Variants in ADGRV1 observed in about 807,000 individuals in gnomAD.
ADGRV1 encodes adhesion G protein-coupled receptor V1.
Under a neutral mutation model 596.2 loss-of-function variants are expected in ADGRV1, and 359 were observed. The ratio of observed to expected loss-of-function variants is 0.60; its 90% confidence interval spans 0.55 to 0.66. The LOEUF (loss-of-function observed/expected upper bound fraction) is 0.66. Among genes scored for constraint, ADGRV1 ranks in the 30% least tolerant of loss-of-function variants. The pLI is 0.00. For missense variants in ADGRV1, 7,274 were observed against 7,575.6 expected, an observed-to-expected ratio of 0.96 and a Z score of 1.48; for synonymous variants, 2,681 against 2,679.2, an observed-to-expected ratio of 1.00 and a Z score of -0.02.
At chr5:90,686,320 C>G (rs1371047837) in intron 29 of ADGRV1, among the ~76,000 whole-genome samples, 1 of 152,008 alleles carries the variant, frequency 6.6e-6, no homozygotes, top group Non-Finnish European at 1.5e-5. Flanking sequence ...CCCATTAACT[C>G]ATCATTTGGC....
intron 50 of ADGRV1, among the ~76,000 whole-genome samples, chr5:90,740,092 A>G (rs1753770658): frequency 6.6e-6 from 1 of 152,180 alleles, no homozygotes; most frequent in African/African-American, 2.4e-5. Context: ...GAAGTTAAGG[A>G]AAGTACTGGG....
At chr5:90,596,863 G>C (rs1200271442) in intron 1 of ADGRV1, among the ~76,000 whole-genome samples, 1 of 152,152 alleles carries the variant, frequency 6.6e-6, no homozygotes, top group Non-Finnish European at 1.5e-5. Flanking sequence ...GGGAGAGGGA[G>C]AGTGAGAGCT....
chr5:90,795,152 G>A (rs965428457), intron 70 of ADGRV1, among the ~76,000 whole-genome samples: 5 of 134,808 alleles, frequency 3.7e-5, no homozygotes, highest in Admixed American at 8.4e-5. Context: ...AGACAGAACC[G>A]TTCACTCCCC....
At chr5:90,840,530 G>A (rs1285121432) in intron 77 of ADGRV1, 48 bp from the exon 78 acceptor site, 2 of 1,468,878 alleles carry the variant, frequency 1.4e-6, no homozygotes, top group Non-Finnish European at 1.8e-6. Flanking sequence ...TTTAGGACAA[G>A]ATCAGAGGTG....
intron 86 of ADGRV1, among the ~76,000 whole-genome samples, chr5:91,082,944 C>G (rs1295411904): frequency 6.6e-6 from 1 of 152,136 alleles, no homozygotes; most frequent in East Asian, 1.9e-4. Context: ...GTCTACAATC[C>G]TTTGTATGAT....
chr5:90,878,507 T>G (rs992220436), intron 83 of ADGRV1, among the ~76,000 whole-genome samples: 1 of 152,200 alleles, frequency 6.6e-6, no homozygotes, highest in Non-Finnish European at 1.5e-5. Flanking sequence ...ATGTTTGTGA[T>G]TCCCGAAACA....
intron 1 of ADGRV1, among the ~76,000 whole-genome samples, chr5:90,603,279 G>C (rs1761650802): frequency 6.6e-6 from 1 of 152,202 alleles, no homozygotes; most frequent in African/African-American, 2.4e-5. Context: ...TGAAGTCCAT[G>C]ATGAGTTTTC....
chr5:90,636,941 C>T (rs1333004560), intron 10 of ADGRV1, among the ~76,000 whole-genome samples: 4 of 152,034 alleles, frequency 2.6e-5, no homozygotes, highest in Non-Finnish European at 5.9e-5. Context: ...TGATATGCAG[C>T]GATCCTTTTA....
At chr5:90,690,215 T>A (rs1369994088) in intron 30 of ADGRV1, 139 bp downstream of exon 30, 1 of 602,148 alleles carries the variant, frequency 1.7e-6, no homozygotes, top group African/African-American at 1.9e-5. Context: ...ATAGGACATC[T>A]GTACACAGTT....
rs766592095 is a variant in ADGRV1 at position 90,848,840 on chromosome 5, A to G, written c.17204+19A>G. 5.2e-6 allele frequency: 8 copies of G among 1,543,278 alleles called. No homozygotes were observed. Among genetic ancestry groups the G allele is most frequent in the South Asian group, 5.1e-5 (4 of 79,118 alleles). On this transcript the variant is annotated intron_variant, in intron 79 of 89. Coordinates refer to ENST00000405460, the MANE Select transcript of ADGRV1 (RefSeq NM_032119.4). ...GTGAAAAGTAAGTATCTTTTAATAT[A>G]TTAGCAGTACCTTTTATGCATTTTT...
intron 85 of ADGRV1, among the ~76,000 whole-genome samples, chr5:91,039,212 A>T (rs1191036147): frequency 6.6e-6 from 1 of 152,156 alleles, no homozygotes; most frequent in Non-Finnish European, 1.5e-5. Context: ...TATAAGTAAA[A>T]ACTTTCAGAT....
intron 1 of ADGRV1, among the ~76,000 whole-genome samples, chr5:90,590,158 G>T (rs1759291239): frequency 6.6e-6 from 1 of 152,128 alleles, no homozygotes; most frequent in African/African-American, 2.4e-5. Flanking sequence ...TCAAACAGCA[G>T]GATCAGAAAC....
At chr5:90,642,088 A>G (rs1050553364) in intron 11 of ADGRV1, among the ~76,000 whole-genome samples, 1 of 152,184 alleles carries the variant, frequency 6.6e-6, no homozygotes, top group Non-Finnish European at 1.5e-5. Flanking sequence ...AAACCACAAC[A>G]TATTCCTAAA....
In ADGRV1 at chr5:90,941,137, TAA is replaced by T. The variant is rs11322873; in HGVS notation, c.17857-24267_17857-24266del. Among the ~76,000 whole-genome samples the T allele has an allele frequency of 3.8e-4, 56 of 148,592 alleles. 1 individual carries two copies. Among genetic ancestry groups the T allele is most frequent in the African/African-American group, 3.7e-4 (15 of 40,688 alleles). On this transcript the variant is annotated intron_variant, in intron 83 of 89. Transcript: ENST00000405460. ...TAAGATCATGGCAAGGAAAAGTACTTAAAAAAAAAAAAGTCTAAGCAGATAAC... is the reference window on the plus strand; with the variant it reads ...TAAGATCATGGCAAGGAAAAGTACTTAAAAAAAAAAGTCTAAGCAGATAAC...
rs766225545 is a variant in ADGRV1, at chr5:90,644,730, G to A, written c.2759G>A (p.Arg920Gln). ...GCTGTTTATGATGTAGTAAGAAATC[G>A]AGGCAACTTTGGTGATGTTAGTGTA... ...YSAVYDVVRNRGNFGDVSVSW... is the reference protein window; with the variant it reads ...YSAVYDVVRNQGNFGDVSVSW... The change falls in exon 15 of 90, where the codon CGA becomes CAA. Residue 920 changes from arginine (R) to glutamine (Q), a missense_variant. By Grantham distance (43) the Arg-to-Gln change is conservative. Coordinates refer to ENST00000405460, the MANE Select transcript of ADGRV1 (RefSeq NM_032119.4). 2.5e-5 allele frequency: 40 copies of A among 1,609,334 alleles called. No individual in the cohort carries two copies. In the Middle Eastern group the frequency reaches 6.6e-4, roughly 26 times the overall value.
chr5:91,035,861 T>TATTATATATATATATATATATATATATA, intron 85 of ADGRV1, among the ~76,000 whole-genome samples: 10 of 96,392 alleles, frequency 1.0e-4, no homozygotes, highest in African/African-American at 3.4e-4. Flanking sequence ...TATATATATA[T>TATTATATATATATATATATATATATATA]TATATATATA....
chr5:90,639,071 AACAC>A lies in ADGRV1; in HGVS notation c.2240+1146_2240+1149del, dbSNP rs67813883. On this transcript the variant is annotated intron_variant, in intron 11 of 89. Coordinates refer to ENST00000405460, the MANE Select transcript of ADGRV1 (RefSeq NM_032119.4). ...AACCAAAAAGCAAAAACCAATTTAC[AACAC>A]ACACACACACACACACACACACGCT... 8.9e-3 allele frequency among the ~76,000 whole-genome samples: 1,320 copies of A among 148,034 alleles called. 21 individuals carry two copies. Among genetic ancestry groups the A allele is most frequent in the African/African-American group, 0.031 (1,253 of 40,064 alleles).
intron 1 of ADGRV1, among the ~76,000 whole-genome samples, chr5:90,565,109 C>T (rs986360640): frequency 6.6e-6 from 1 of 152,062 alleles, no homozygotes; most frequent in Non-Finnish European, 1.5e-5. Flanking sequence ...TGTTGGCGGG[C>T]GCCTGTATTG....
chr5:90,704,290 A>G (rs1580799390), intron 35 of ADGRV1, 99 bp from the exon 36 acceptor site: 2 of 747,768 alleles, frequency 2.7e-6, no homozygotes, highest in East Asian at 3.0e-5. Flanking sequence ...AAATGAAAAT[A>G]TATTTGCCTG....
Sources: allele counts gnomAD v4.1 joint callset (sites outside exome capture counted in the v4.1 genomes callset), GRCh38; gene constraint gnomAD v4.1.1; transcripts MANE v1.5; gene names NCBI Gene and HGNC (gene_info 2026-07-23, HGNC 2026-07-21).